Variants in SMOC1 observed in about 807,000 individuals in gnomAD.
SMOC1 encodes SPARC related modular calcium binding 1.
SMOC1 carries 22 observed loss-of-function variants against 56.3 expected under a neutral mutation model. The observed-to-expected ratio is 0.39, with a 90% confidence interval of 0.28 to 0.56. The LOEUF (loss-of-function observed/expected upper bound fraction) is 0.56, where lower values mean the gene tolerates loss of function less well. SMOC1 is among the 20% of genes least tolerant of loss of function. SMOC1 has a pLI of 0.61. For synonymous variants in SMOC1, 193 were observed against 215.0 expected (o/e 0.90, Z 0.89); for missense variants, 509 against 565.4 (o/e 0.90, Z 1.01).
chr14:70,024,933 T>C (rs2139619395), intron 11 of SMOC1, among the ~76,000 whole-genome samples: 1 of 152,208 alleles, frequency 6.6e-6, no homozygotes, highest in African/African-American at 2.4e-5. Context: ...CAGTCCAGGC[T>C]AGAGTGATGG....
chr14:69,904,224 A>G (rs1884347280), intron 1 of SMOC1, among the ~76,000 whole-genome samples: 1 of 152,256 alleles, frequency 6.6e-6, no homozygotes, highest in South Asian at 2.1e-4. Flanking sequence ...TTCACAACAG[A>G]GAGTCAGGAC....
chr14:69,880,811 G>A (rs1375025413), intron 1 of SMOC1, among the ~76,000 whole-genome samples: 1 of 152,128 alleles, frequency 6.6e-6, no homozygotes, highest in Non-Finnish European at 1.5e-5. Context: ...AACATCCTTG[G>A]GCCTGGCCCT....
chr14:69,947,700 C>T (rs542389054), intron 1 of SMOC1, among the ~76,000 whole-genome samples: 54 of 152,220 alleles, frequency 3.5e-4, no homozygotes, highest in East Asian at 3.3e-3. Flanking sequence ...CTGTTGCATA[C>T]GGTAGCCTCT....
At chr14:69,894,902 C>T (rs1384562151) in intron 1 of SMOC1, among the ~76,000 whole-genome samples, 2 of 152,154 alleles carry the variant, frequency 1.3e-5, no homozygotes, top group Admixed American at 6.5e-5. Context: ...ATAATAGGCC[C>T]GCAGTTGAAA....
At chr14:70,017,549 G>T (rs1247270839) in intron 10 of SMOC1, among the ~76,000 whole-genome samples, 1 of 152,192 alleles carries the variant, frequency 6.6e-6, no homozygotes, top group Non-Finnish European at 1.5e-5. Flanking sequence ...ACATCAGCTG[G>T]GGCCAGGGAA....
chr14:69,960,303 C>G (rs760247504), intron 3 of SMOC1, among the ~76,000 whole-genome samples: 1 of 152,170 alleles, frequency 6.6e-6, no homozygotes, highest in Non-Finnish European at 1.5e-5. Context: ...AGAGGACCCT[C>G]TAGGTGAAGT....
At chr14:70,026,608 G>A (rs1321090902) in intron 11 of SMOC1, among the ~76,000 whole-genome samples, 1 of 152,236 alleles carries the variant, frequency 6.6e-6, no homozygotes, top group Non-Finnish European at 1.5e-5. Context: ...TGCCCACAGA[G>A]GCCCCTAGGG....
intron 1 of SMOC1, among the ~76,000 whole-genome samples, chr14:69,935,545 C>CT (rs1885273769): frequency 1.3e-5 from 2 of 152,222 alleles, no homozygotes; most frequent in African/African-American, 4.8e-5. Context: ...AGCTAGTTTG[C>CT]TGGGGTCTCT....
intron 3 of SMOC1, among the ~76,000 whole-genome samples, chr14:69,962,012 T>C (rs1883399687): frequency 6.6e-6 from 1 of 152,236 alleles, no homozygotes; most frequent in Non-Finnish European, 1.5e-5. Context: ...ACTAATGATG[T>C]CAAGCATCTT....
At chr14:69,913,906 T>C (rs1884619289) in intron 1 of SMOC1, among the ~76,000 whole-genome samples, 1 of 152,226 alleles carries the variant, frequency 6.6e-6, no homozygotes, top group Non-Finnish European at 1.5e-5. Flanking sequence ...TTTTAGAGTA[T>C]ATGTCTTCTG....
chr14:69,929,589 T>C (rs1885107384), intron 1 of SMOC1, among the ~76,000 whole-genome samples: 1 of 152,124 alleles, frequency 6.6e-6, no homozygotes, highest in South Asian at 2.1e-4. Context: ...TTGGGGTGTT[T>C]TAGAGACATG....
intron 3 of SMOC1, among the ~76,000 whole-genome samples, chr14:69,970,577 G>C (rs113319352): frequency 0.013 from 2,022 of 152,312 alleles, 48 homozygotes; most frequent in African/African-American, 0.042. Context: ...ATAATGCATA[G>C]ACCTTTGATG....
At chr14:69,913,128 C>T (rs765941771) in intron 1 of SMOC1, among the ~76,000 whole-genome samples, 1 of 152,178 alleles carries the variant, frequency 6.6e-6, no homozygotes, top group Non-Finnish European at 1.5e-5. Flanking sequence ...GCAAACAGCT[C>T]TGCATGGCTT....
chr14:69,940,743 A>AT (rs139220098), intron 1 of SMOC1, among the ~76,000 whole-genome samples: 11,044 of 151,630 alleles, frequency 0.073, 515 homozygotes, highest in Middle Eastern at 0.17. Flanking sequence ...CTTAATCTCT[A>AT]TTTTTTTTCC....
At chr14:69,970,633 T>C (rs1366777201) in intron 3 of SMOC1, among the ~76,000 whole-genome samples, 3 of 152,198 alleles carry the variant, frequency 2.0e-5, no homozygotes, top group Admixed American at 1.3e-4. Flanking sequence ...ATTTTTTGCG[T>C]TGGACATGGC....
In SMOC1 at chr14:69,977,960, G is replaced by C. The variant is rs112308471; in HGVS notation, c.521G>C (p.Arg174Thr). The C allele has an allele frequency of 6.2e-7, 1 of 1,613,598 alleles. No homozygotes were observed. Among genetic ancestry groups the C allele is most frequent in the Non-Finnish European group, 8.5e-7 (1 of 1,179,528 alleles). ...DKPLSQGNSG[R>T]KDDGSKPTPT... ...CCCTTGAGCCAGGGTAACTCAGGAA[G>C]GAAAGGTGAGTGGAGTTTTATGCTT... The change falls in exon 5 of 12, where the codon AGG becomes ACG. Residue 174 changes from arginine to threonine, a missense_variant. Physicochemically the swap from Arg to Thr is moderately conservative, Grantham distance 71. Around this residue, in one of 3 missense-constraint regions of SMOC1, gnomAD observed 315 missense variants for 333.1 expected, o/e 0.95. Coordinates refer to ENST00000361956, the MANE Select transcript of SMOC1 (RefSeq NM_001034852.3).
chr14:69,885,518 T>A, intron 1 of SMOC1: 12 of 1,599,344 alleles, frequency 7.5e-6, no homozygotes, highest in South Asian at 1.1e-5. Context: ...GTCTTCTGAG[T>A]TCACCTGTGT....
intron 3 of SMOC1, among the ~76,000 whole-genome samples, chr14:69,960,082 T>G (rs1445087870): frequency 6.6e-6 from 1 of 152,196 alleles, no homozygotes; most frequent in Non-Finnish European, 1.5e-5. Flanking sequence ...CAGCAAGTAC[T>G]GAAGGTCTGG....
intron 3 of SMOC1, among the ~76,000 whole-genome samples, chr14:69,959,754 ACTT>A (rs1379194429): frequency 2.0e-5 from 3 of 150,914 alleles, no homozygotes; most frequent in African/African-American, 2.5e-5. Flanking sequence ...GGGAGATGTA[ACTT>A]CTTCTTGATG....
Sources: gnomAD v4.1 joint callset for allele counts (sites outside exome capture counted in the v4.1 genomes callset) on GRCh38, gnomAD v4.1.1 for gene constraint, gnomAD v4.1.1 regional missense constraint, MANE v1.5 for transcripts, NCBI Gene and HGNC (gene_info 2026-07-23, HGNC 2026-07-21) for gene names.